Variants in FARS2 observed in about 807,000 individuals in gnomAD.
FARS2 encodes the protein phenylalanyl-tRNA synthetase 2, mitochondrial, also known as phenylalanine--tRNA ligase, mitochondrial.
A neutral mutation model predicts 46.4 loss-of-function variants in FARS2; 40 were observed. That is an observed-to-expected ratio of 0.86 (90% confidence interval 0.67 to 1.12). FARS2 has a LOEUF of 1.12. Among genes scored for constraint, FARS2 ranks in the 50% most tolerant of loss-of-function variants. The pLI is 0.00. For synonymous variants in FARS2, 234 were observed against 214.9 expected, an observed-to-expected ratio of 1.09 and a Z score of -0.78; for missense variants, 513 against 567.9, an observed-to-expected ratio of 0.90 and a Z score of 0.98.
chr6:5,337,351 A>G (rs895534937), intron 1 of FARS2, among the ~76,000 whole-genome samples: 1 of 152,014 alleles, frequency 6.6e-6, no homozygotes, highest in Non-Finnish European at 1.5e-5. Flanking sequence ...CTTGGGAATC[A>G]TTTTCACAAG....
chr6:5,505,783 C>A (rs1768065802), intron 4 of FARS2, among the ~76,000 whole-genome samples: 1 of 152,152 alleles, frequency 6.6e-6, no homozygotes. Context: ...AGGAAGACAG[C>A]AGATGCAGAA....
At chr6:5,710,730 G>C (rs915844643) in intron 6 of FARS2, among the ~76,000 whole-genome samples, 15 of 152,210 alleles carry the variant, frequency 9.9e-5, no homozygotes, top group African/African-American at 3.4e-4. Flanking sequence ...CTGGATTTCC[G>C]GAGAGGATCC....
chr6:5,755,699 T>C (rs953833313), intron 6 of FARS2, among the ~76,000 whole-genome samples: 6 of 152,196 alleles, frequency 3.9e-5, no homozygotes, highest in African/African-American at 1.4e-4. Context: ...ATGTGTTCTG[T>C]AATTTGGGGC....
intron 4 of FARS2, among the ~76,000 whole-genome samples, chr6:5,505,824 G>A (rs1162726775): frequency 6.6e-6 from 1 of 152,064 alleles, no homozygotes; most frequent in Non-Finnish European, 1.5e-5. Context: ...TCCAGGGTGT[G>A]GTTTTTCCTG....
chr6:5,321,356 G>A (rs754734037), intron 1 of FARS2, among the ~76,000 whole-genome samples: 19 of 152,210 alleles, frequency 1.2e-4, no homozygotes, highest in Non-Finnish European at 1.8e-4. Context: ...GTTTGTAGAC[G>A]TAGCCTTTAA....
chr6:5,260,171 C>G (rs1027950741), upstream of FARS2, among the ~76,000 whole-genome samples: 4 of 152,182 alleles, frequency 2.6e-5, no homozygotes, highest in African/African-American at 9.7e-5. Flanking sequence ...ACCAAAAGAA[C>G]TCATTACGAC....
chr6:5,417,560 C>T (rs1191767581), intron 3 of FARS2, among the ~76,000 whole-genome samples: 1 of 152,138 alleles, frequency 6.6e-6, no homozygotes, highest in Non-Finnish European at 1.5e-5. Flanking sequence ...ATTCCTAGAT[C>T]TCTTCTCACT....
intron 1 of FARS2, among the ~76,000 whole-genome samples, chr6:5,346,317 C>T (rs1259094448): frequency 1.3e-5 from 2 of 152,132 alleles, no homozygotes; most frequent in East Asian, 3.9e-4. Flanking sequence ...ATCATCACCT[C>T]CAGCGGTGAT....
At chr6:5,595,577 C>T (rs1774152240) in intron 5 of FARS2, among the ~76,000 whole-genome samples, 1 of 152,162 alleles carries the variant, frequency 6.6e-6, no homozygotes, top group African/African-American at 2.4e-5. Flanking sequence ...AATGTGATCC[C>T]TGCCCCTAAC....
intron 4 of FARS2, among the ~76,000 whole-genome samples, chr6:5,474,663 G>GTTTTTTT (rs760857089): frequency 1.0e-4 from 14 of 133,934 alleles, no homozygotes; most frequent in Non-Finnish European, 1.7e-4. Context: ...ATACAGTACT[G>GTTTTTTT]TTTTTTTTTT....
At chr6:5,608,984 C>T (rs919855337) in intron 5 of FARS2, among the ~76,000 whole-genome samples, 1 of 152,108 alleles carries the variant, frequency 6.6e-6, no homozygotes, top group Admixed American at 6.5e-5. Flanking sequence ...GTATTAAAAC[C>T]CTTTGTTGGA....
chr6:5,754,454 G>A (rs887840060), intron 6 of FARS2, among the ~76,000 whole-genome samples: 1 of 152,172 alleles, frequency 6.6e-6, no homozygotes, highest in Admixed American at 6.5e-5. Context: ...TGAAACCACG[G>A]CTTTAAAACA....
At chr6:5,299,666 T>G (rs914835595) in intron 1 of FARS2, among the ~76,000 whole-genome samples, 7 of 152,196 alleles carry the variant, frequency 4.6e-5, no homozygotes, top group Non-Finnish European at 1.0e-4. Context: ...GTATGTCTCC[T>G]AATGCTATCC....
chr6:5,412,768 T>C (rs987913862), intron 3 of FARS2, among the ~76,000 whole-genome samples: 2 of 152,222 alleles, frequency 1.3e-5, no homozygotes, highest in Admixed American at 1.3e-4. Context: ...TCAGCTCTTT[T>C]GGGCTGGCTG....
intron 3 of FARS2, among the ~76,000 whole-genome samples, chr6:5,420,552 C>T (rs1762485917): frequency 6.6e-6 from 1 of 152,212 alleles, no homozygotes; most frequent in South Asian, 2.1e-4. Flanking sequence ...TACCAGGCCC[C>T]ATGCAAGTGT....
chr6:5,404,229 T>C (rs1258937761), intron 2 of FARS2, among the ~76,000 whole-genome samples: 1 of 152,238 alleles, frequency 6.6e-6, no homozygotes, highest in Non-Finnish European at 1.5e-5. Flanking sequence ...TTCACTAGTA[T>C]TTCCACTAGA....
intron 5 of FARS2, among the ~76,000 whole-genome samples, chr6:5,585,391 A>G: frequency 6.6e-6 from 1 of 152,194 alleles, no homozygotes; most frequent in East Asian, 1.9e-4. Flanking sequence ...TATTAACTAT[A>G]GTAACCATAC....
intron 4 of FARS2, among the ~76,000 whole-genome samples, chr6:5,509,980 T>C (rs1378782478): frequency 2.0e-5 from 3 of 152,182 alleles, no homozygotes; most frequent in African/African-American, 7.2e-5. Context: ...GTGTTAACTG[T>C]AATTTTAGCT....
chr6:5,337,649 C>A (rs563159800), intron 1 of FARS2, among the ~76,000 whole-genome samples: 1 of 152,130 alleles, frequency 6.6e-6, no homozygotes, highest in East Asian at 1.9e-4. Context: ...AAGTTAATTC[C>A]CTTCACCAAG....
Sources: gnomAD v4.1 joint callset for allele counts (sites outside exome capture counted in the v4.1 genomes callset) on GRCh38, gnomAD v4.1.1 for gene constraint, MANE v1.5 for transcripts, NCBI Gene and HGNC (gene_info 2026-07-23, HGNC 2026-07-21) for gene names.